The following NEK8 variants were observed in gnomAD, a reference collection of about 807,000 sequenced individuals.
NEK8 encodes the protein NIMA related kinase 8, also known as serine/threonine-protein kinase Nek8.
Under a neutral mutation model 77.2 loss-of-function variants are expected in NEK8, and 51 were observed. The observed-to-expected ratio is 0.66, with a 90% CI of 0.53 to 0.83. The LOEUF (loss-of-function observed/expected upper bound fraction) is 0.83, where lower values mean the gene tolerates loss of function less well. Ranked by LOEUF, NEK8 falls within the 40% of genes least tolerant of loss-of-function variation. The pLI is 0.00. For synonymous variants in NEK8, 365 were observed against 363.2 expected (o/e 1.00, Z -0.06); for missense variants, 787 against 909.2 (o/e 0.87, Z 1.73).
intron 8 of NEK8, 94 bp downstream of exon 8, chr17:28,738,339 C>G: frequency 5.7e-6 from 8 of 1,415,672 alleles, no homozygotes; most frequent in Non-Finnish European, 8.0e-6. Context: ...ATGAATGCTT[C>G]TGTCTACTAG....
intron 10 of NEK8, 93 bp downstream of exon 10, chr17:28,739,294 C>T: frequency 2.4e-6 from 2 of 850,828 alleles, no homozygotes; most frequent in Admixed American, 1.7e-5. Flanking sequence ...CACATTCTCT[C>T]TTCCCTCTTT....
chr17:28,741,272 T>A lies in NEK8; in HGVS notation c.1891+36T>A. On this transcript the variant is annotated intron_variant, in intron 13 of 14. Coordinates refer to ENST00000268766, the MANE Select transcript of NEK8 (RefSeq NM_178170.3). This position sits in a 1 kb window ranked among gnomAD's most constrained non-coding sequence, Gnocchi z 4.5. Reference sequence around the variant, plus strand: ...AGCATGGTGGGGGCAGACAGTGCCATGAGCAGTGGGGGGTGGGGGTTGCTA... The same window carrying A: ...AGCATGGTGGGGGCAGACAGTGCCAAGAGCAGTGGGGGGTGGGGGTTGCTA... 1 of 1,577,234 alleles carries A rather than the reference T, an allele frequency of 6.3e-7. No homozygotes were observed. Among genetic ancestry groups the A allele is most frequent in the African/African-American group, 1.4e-5 (1 of 72,778 alleles).
chr17:28,734,001 G>C lies in NEK8; in HGVS notation c.66G>C (p.Leu22=), dbSNP rs2034335853. Residue 22 remains leucine (L), a synonymous_variant, in exon 2 of 15, where the codon CTG becomes CTC. Transcript: ENST00000268766. The stretch of plus-strand genomic sequence containing the variant: ...TCCCTAGGATTGTGCACCTGTGCCT[G>C]CGAAAGGCTGACCAGAAGCTGGTGA... The part of the protein sequence containing the change: ...RGAFGIVHLC[L]RKADQKLVII... 12 of 1,614,202 alleles carry C rather than the reference G, an allele frequency of 7.4e-6. No homozygotes were observed. Among genetic ancestry groups the C allele is most frequent in the Non-Finnish European group, 9.3e-6 (11 of 1,180,038 alleles).
At chr17:28,739,969 G>A (rs2034403926) in intron 10 of NEK8, among the ~76,000 whole-genome samples, 1 of 152,092 alleles carries the variant, frequency 6.6e-6, no homozygotes, top group African/African-American at 2.4e-5. Flanking sequence ...GGAGAGAGAT[G>A]TCATTTGAAC....
rs896919334 is a variant in NEK8, at chr17:28,740,012, G to A, written c.1418-451G>A. Among the ~76,000 whole-genome samples the A allele has an allele frequency of 2.0e-5, 3 of 152,050 alleles. No individual in the cohort carries two copies. The highest frequency in any genetic ancestry group is 4.1e-4 in the South Asian group (2 of 4,820). ...TAAAGGAGGAGGATTTTGAGCCGGCGTGGTGGCTCACGCCTGTAATCCCAG... is the reference window on the plus strand; with the variant it reads ...TAAAGGAGGAGGATTTTGAGCCGGCATGGTGGCTCACGCCTGTAATCCCAG... On this transcript the variant is annotated intron_variant, in intron 10 of 14. Coordinates refer to ENST00000268766, the MANE Select transcript of NEK8 (RefSeq NM_178170.3). The surrounding 1 kb of genome is among the most constrained non-coding windows in gnomAD (Gnocchi z 4.7).
Position 28,740,695 on chromosome 17 carries a change from C to G in NEK8, c.1568+82C>G. 3.1e-6 allele frequency: 5 copies of G among 1,591,010 alleles called. No homozygotes were observed. Among genetic ancestry groups the G allele is most frequent in the Non-Finnish European group, 4.3e-6 (5 of 1,159,752 alleles). On this transcript the variant is annotated intron_variant, in intron 11 of 14. Coordinates refer to ENST00000268766, the MANE Select transcript of NEK8 (RefSeq NM_178170.3). This position sits in a 1 kb window ranked among gnomAD's most constrained non-coding sequence, Gnocchi z 4.7. ...TCCGTCCATCATTGCCTACCTTTCA[C>G]CAAAGACCAGAATTGAGGGGGTTGA...
chr17:28,736,190 T>C (rs1287105351), intron 4 of NEK8, among the ~76,000 whole-genome samples: 2 of 152,166 alleles, frequency 1.3e-5, no homozygotes, highest in East Asian at 3.8e-4. Flanking sequence ...GACATTTAGG[T>C]TGGTTCCAAG....
At chr17:28,733,820 C>T (rs1168689211) in intron 1 of NEK8, among the ~76,000 whole-genome samples, 163 bp from the exon 2 acceptor site, 1 of 152,228 alleles carries the variant, frequency 6.6e-6, no homozygotes, top group Non-Finnish European at 1.5e-5. Context: ...AGCTTGTAAT[C>T]AGTTCTCCCT....
chr17:28,738,354 C>T (rs751078070), intron 8 of NEK8, 109 bp downstream of exon 8: 333 of 1,299,158 alleles, frequency 2.6e-4, no homozygotes, highest in African/African-American at 6.7e-4. Context: ...TACTAGTTAT[C>T]GAGTTATTGC....
At chr17:28,729,001 CA>C in intron 1 of NEK8, 141 bp downstream of exon 1, 2 of 777,052 alleles carry the variant, frequency 2.6e-6, no homozygotes, top group Non-Finnish European at 4.3e-6. Flanking sequence ...CTTCCGGTCC[CA>C]GTCCCCCGGG....
Position 28,737,334 on chromosome 17 carries a change from T to G in NEK8, c.647T>G (p.Met216Arg), listed in dbSNP as rs1174108682. The change falls in exon 5 of 15, where the codon ATG (methionine) becomes AGG (arginine). Residue 216 changes from methionine (M) to arginine (R), a missense_variant. By Grantham distance (91) the Met-to-Arg change is moderately conservative (BLOSUM62 -1). This residue lies in a region of NEK8 where 271 missense variants were observed against 365.1 expected (regional missense o/e 0.74). Coordinates refer to ENST00000268766, the MANE Select transcript of NEK8 (RefSeq NM_178170.3). This position sits in a 1 kb window ranked among gnomAD's most constrained non-coding sequence, Gnocchi z 4.8. ...TTGCCAGCACTGGTGCTGAAGATCA[T>G]GAGTGGCACCTTTGCACCTATCTCT... ...ANLPALVLKI[M>R]SGTFAPISDR... 1 of 1,613,732 alleles carries G rather than the reference T, an allele frequency of 6.2e-7. No homozygotes were observed. Among genetic ancestry groups the G allele is most frequent in the Non-Finnish European group, 8.5e-7 (1 of 1,179,920 alleles).
chr17:28,735,207 T>C, intron 3 of NEK8, 33 bp from the exon 4 acceptor site: 2 of 1,613,684 alleles, frequency 1.2e-6, no homozygotes, highest in East Asian at 2.2e-5. Flanking sequence ...CTTCCCTCCC[T>C]GCAGGGCTGT....
Position 28,740,942 on chromosome 17 carries a change from G to A in NEK8, c.1689G>A (p.Leu563=). 6 of 1,614,144 alleles carry A rather than the reference G, an allele frequency of 3.7e-6. No homozygotes were observed. The highest frequency in any genetic ancestry group is 5.1e-6 in the Non-Finnish European group (6 of 1,180,030). ...CTGCACCCCTGGACCAGGAGCCTCT[G>A]CTGAGTATAGACCTGGGCACTGCTC... ...LGSAPLDQEP[L]LSIDLGTAHS... is the part of the protein sequence containing the mutation. The change falls in exon 12 of 15, where the codon CTG becomes CTA. Residue 563 remains leucine, a synonymous_variant. Coordinates refer to ENST00000268766, the MANE Select transcript of NEK8 (RefSeq NM_178170.3). This position sits in a 1 kb window ranked among gnomAD's most constrained non-coding sequence, Gnocchi z 4.7.
intron 1 of NEK8, among the ~76,000 whole-genome samples, chr17:28,730,233 C>T (rs997418333): frequency 6.7e-6 from 1 of 148,754 alleles, no homozygotes; most frequent in Non-Finnish European, 1.5e-5. Context: ...GCCTCAGCAT[C>T]CTGAGTAGCT....
In NEK8 at chr17:28,741,985, T is replaced by C. The variant is rs1023115220; in HGVS notation, c.2077T>C (p.Ter693ArgextTer16). 7 of 1,613,960 alleles carry C rather than the reference T, an allele frequency of 4.3e-6. No homozygotes were observed. The highest frequency in any genetic ancestry group is 5.1e-6 in the Non-Finnish European group (6 of 1,179,912). ...GGTCACAGATGAGCCGGTCCCCCCCTGAGGCACCCGGATTCACCTCTGGAC... is the reference window on the plus strand; with the variant it reads ...GGTCACAGATGAGCCGGTCCCCCCCCGAGGCACCCGGATTCACCTCTGGAC... ...RSVTDEPVPP[*>R] Residue 693 changes from the stop codon to arginine (R), a stop_lost, in exon 15 of 15, where the codon TGA becomes CGA. Coordinates refer to ENST00000268766, the MANE Select transcript of NEK8 (RefSeq NM_178170.3). This position sits in a 1 kb window ranked among gnomAD's most constrained non-coding sequence, Gnocchi z 4.5.
At chr17:28,731,158 A>G (rs1261060132) in intron 1 of NEK8, among the ~76,000 whole-genome samples, 3 of 152,188 alleles carry the variant, frequency 2.0e-5, no homozygotes, top group South Asian at 2.1e-4. Flanking sequence ...AATCGCTTGA[A>G]CCTGGAAGGC....
Position 28,740,649 on chromosome 17 carries a change from G to C in NEK8, c.1568+36G>C. 1 of 1,612,006 alleles carries C rather than the reference G, an allele frequency of 6.2e-7. No homozygotes were observed. Among genetic ancestry groups the C allele is most frequent in the Non-Finnish European group, 8.5e-7 (1 of 1,178,262 alleles). ...CATCAGGATGACTAACCTGCCCCTG[G>C]CTCTCCTTGGCTGCAAGTGCTCCGT... On this transcript the variant is annotated intron_variant, in intron 11 of 14. Transcript: ENST00000268766. This position sits in a 1 kb window ranked among gnomAD's most constrained non-coding sequence, Gnocchi z 4.7.
chr17:28,741,498 G>A lies in NEK8; in HGVS notation c.1977G>A (p.Gln659=), dbSNP rs781114211. 6.2e-7 allele frequency: 1 copy of A among 1,614,150 alleles called. No homozygotes were observed. Among genetic ancestry groups the A allele is most frequent in the Non-Finnish European group, 8.5e-7 (1 of 1,180,030 alleles). ...ATGCCGGACTCCCTCGGCCAGTGCA[G>A]TTGGATGAGACACACCCTTACACGG... is the stretch of plus-strand genomic sequence containing the variant. ...DEDAGLPRPV[Q]LDETHPYTVT... The change falls in exon 14 of 15, where the codon CAG becomes CAA. Residue 659 remains glutamine, a synonymous_variant. Transcript: ENST00000268766. The surrounding 1 kb of genome is among the most constrained non-coding windows in gnomAD (Gnocchi z 4.5).
rs1489042744 is a variant in NEK8 at position 28,728,848 on chromosome 17, G to T, written c.35G>T (p.Arg12Ile). ...TACGAGCGGATCCGAGTGGTGGGGA[G>T]AGGTGCCTTCGGGTGAGCCAGGGCT... is the stretch of plus-strand genomic sequence containing the variant. Reference protein sequence around the residue: ...EKYERIRVVGRGAFGIVHLCL... With the variant: ...EKYERIRVVGIGAFGIVHLCL... Residue 12 changes from arginine (R) to isoleucine (I), a missense_variant, in exon 1 of 15, where the codon AGA becomes ATA. Arg to Ile is a moderately conservative substitution (Grantham distance 97, BLOSUM62 -3). Coordinates refer to ENST00000268766, the MANE Select transcript of NEK8 (RefSeq NM_178170.3). The T allele has an allele frequency of 6.4e-7, 1 of 1,551,526 alleles. No homozygotes were observed. The highest frequency in any genetic ancestry group is 2.0e-5 in the Admixed American group (1 of 51,038).
Sources: gnomAD v4.1 joint callset for allele counts (sites outside exome capture counted in the v4.1 genomes callset) on GRCh38, gnomAD v4.1.1 for gene constraint, gnomAD v4.1.1 regional missense constraint, Gnocchi (gnomAD v3.1) non-coding constraint, MANE v1.5 for transcripts, NCBI Gene and HGNC (gene_info 2026-07-23, HGNC 2026-07-21) for gene names.